The following ABCA12 variants were observed in gnomAD, a reference collection of about 807,000 sequenced individuals.
ABCA12 encodes ATP binding cassette subfamily A member 12.
In ABCA12, 156 loss-of-function variants were observed where a neutral mutation model predicts 293.5. The observed-to-expected ratio is 0.53, with a 90% CI of 0.47 to 0.61. The LOEUF (loss-of-function observed/expected upper bound fraction) is 0.61. ABCA12 is among the 20% of genes least tolerant of loss of function. The pLI is 0.00. For synonymous variants in ABCA12, 1,063 were observed against 1,108.0 expected (o/e 0.96, Z 0.81); for missense variants, 2,797 against 3,090.2 (o/e 0.91, Z 2.25).
At chr2:215,083,810 G>T (rs947460355) in intron 2 of ABCA12, among the ~76,000 whole-genome samples, 2 of 152,086 alleles carry the variant, frequency 1.3e-5, no homozygotes, top group African/African-American at 4.8e-5. Flanking sequence ...ATGTCATGCT[G>T]GGTGCCCTAG....
At chr2:215,022,312 A>C (rs956694130) in intron 11 of ABCA12, 6 of 152,204 alleles carry the variant, frequency 3.9e-5, no homozygotes, top group South Asian at 2.1e-4. Context: ...AGGACATTGG[A>C]AATCTAGCCA....
At position 214,942,931 on chromosome 2, in the gene ABCA12, T is replaced by C; in HGVS notation, c.7430A>G (p.Lys2477Arg). The change falls in exon 50 of 53, where the codon AAG (lysine) becomes AGG (arginine). Residue 2477 changes from lysine to arginine, a missense_variant. By Grantham distance (26) the Lys-to-Arg change is conservative. This residue lies in a region of ABCA12 where 2,130 missense variants were observed against 2,427.0 expected (regional missense o/e 0.88). Coordinates refer to ENST00000272895, the MANE Select transcript of ABCA12 (RefSeq NM_173076.3). ...CAATGCATTTGTTCTTCACCTGCTC[T>C]TTATGTGCTGCAAAGATCCAATACA... is the stretch of plus-strand genomic sequence containing the variant. Reference protein sequence around the residue: ...FQCIGSLQHIKSRFGRGFTVK... With the variant: ...FQCIGSLQHIRSRFGRGFTVK... 1 of 1,613,116 alleles carries C rather than the reference T, an allele frequency of 6.2e-7. No homozygotes were observed. The highest frequency in any genetic ancestry group is 8.5e-7 in the Non-Finnish European group (1 of 1,179,524).
At chr2:215,001,857 A>C in intron 20 of ABCA12, 120 bp from the exon 21 acceptor site, 1 of 876,844 alleles carries the variant, frequency 1.1e-6, no homozygotes. Flanking sequence ...AAGCCTGCAG[A>C]ATTTACTCTA....
At chr2:214,981,986 T>TTTA (rs1553524770) in intron 30 of ABCA12, among the ~76,000 whole-genome samples, 14 of 129,940 alleles carry the variant, frequency 1.1e-4, no homozygotes, top group African/African-American at 4.1e-4. Context: ...TTATTATTAT[T>TTTA]TTATTATTAT....
chr2:214,969,890 C>T (rs566698053), intron 37 of ABCA12, among the ~76,000 whole-genome samples: 2 of 152,042 alleles, frequency 1.3e-5, no homozygotes, highest in South Asian at 4.2e-4. Context: ...ACATTTTGTC[C>T]ATATGCAGAT....
At position 214,990,729 on chromosome 2, in the gene ABCA12, C is replaced by T. The variant is rs1699892971; in HGVS notation, c.3597G>A (p.Glu1199=). The change falls in exon 24 of 53, where the codon GAG becomes GAA. Residue 1199 remains glutamate, a synonymous_variant. Coordinates refer to ENST00000272895, the MANE Select transcript of ABCA12 (RefSeq NM_173076.3). ...PFIVLVTVEN[E]LSYVLKVFMS... ...TGAACACTTTCAATACATAGCTCAA[C>T]TCATTCTCCACTGTAACCAGAACAA... 6.2e-7 allele frequency: 1 copy of T among 1,613,940 alleles called. No homozygotes were observed. The highest frequency in any genetic ancestry group is 1.3e-5 in the African/African-American group (1 of 74,924).
chr2:214,990,829 C>G lies in ABCA12; in HGVS notation c.3497G>C (p.Ser1166Thr). The change falls in exon 24 of 53, where the codon AGT becomes ACT. Residue 1166 changes from serine (S) to threonine (T), a missense_variant. Physicochemically the swap from Ser to Thr is moderately conservative, Grantham distance 58. This residue lies in a region of ABCA12 where 2,130 missense variants were observed against 2,427.0 expected (regional missense o/e 0.88). Transcript: ENST00000272895. ...AATGTTGGTGTTGTTGAAGAAGACA[C>G]TGATAAGATAGCTCATGGCAATAAC... ...FSVIAMSYLI[S>T]VFFNNTNIAA... The G allele has an allele frequency of 1.2e-6, 2 of 1,614,082 alleles. No individual in the cohort carries two copies. Among genetic ancestry groups the G allele is most frequent in the Non-Finnish European group, 1.7e-6 (2 of 1,179,994 alleles).
intron 2 of ABCA12, among the ~76,000 whole-genome samples, chr2:215,103,890 G>A (rs1023427707): frequency 6.6e-6 from 1 of 152,018 alleles, no homozygotes; most frequent in African/African-American, 2.4e-5. Context: ...AGGAGGCAGA[G>A]GCAGGAGAAT....
At position 214,973,953 on chromosome 2, in the gene ABCA12, A is replaced by G; in HGVS notation, c.5558T>C (p.Val1853Ala). ...NFGVCSCSEN[V>A]QECPKFNYSP... ...TGAAACTGAATTCCATCTTACCTGGACATTTTCTGAGCAGGAGCAAACACC... is the reference window on the plus strand; with the variant it reads ...TGAAACTGAATTCCATCTTACCTGGGCATTTTCTGAGCAGGAGCAAACACC... The change falls in exon 36 of 53, where the codon GTC (valine) becomes GCC (alanine). Residue 1853 changes from valine (V) to alanine (A), a missense_variant. Val to Ala is a moderately conservative substitution (Grantham distance 64). Around this residue, in one of 3 missense-constraint regions of ABCA12, gnomAD observed 2,130 missense variants for 2,427.0 expected, o/e 0.88. Transcript: ENST00000272895. The G allele has an allele frequency of 6.2e-7, 1 of 1,613,434 alleles. No homozygotes were observed. The highest frequency in any genetic ancestry group is 8.5e-7 in the Non-Finnish European group (1 of 1,179,462).
At position 215,000,689 on chromosome 2, in the gene ABCA12, A is replaced by G; in HGVS notation, c.3179+16T>C. On this transcript the variant is annotated intron_variant, in intron 22 of 52. Transcript: ENST00000272895. ...AGTTGTTGATCATTAAAAAGGCTGG[A>G]AGTGCACACACTTACTTGTCTTTCA... The G allele has an allele frequency of 6.2e-7, 1 of 1,613,562 alleles. No homozygotes were observed. The highest frequency in any genetic ancestry group is 8.5e-7 in the Non-Finnish European group (1 of 1,179,860).
At chr2:215,127,755 T>A (rs540105667) in intron 1 of ABCA12, among the ~76,000 whole-genome samples, 1 of 152,338 alleles carries the variant, frequency 6.6e-6, no homozygotes, top group South Asian at 2.1e-4. Context: ...TGGTTCTATA[T>A]CTTTTAAGTG....
chr2:215,098,918 T>C (rs1293640317), intron 2 of ABCA12, among the ~76,000 whole-genome samples: 1 of 152,252 alleles, frequency 6.6e-6, no homozygotes, highest in Middle Eastern at 3.2e-3. Flanking sequence ...GGGCTGAATA[T>C]CGTAAGCACG....
At chr2:215,027,897 T>C (rs999261564) in intron 9 of ABCA12, among the ~76,000 whole-genome samples, 18 of 152,194 alleles carry the variant, frequency 1.2e-4, no homozygotes, top group African/African-American at 4.3e-4. Context: ...CTTTCTGGTT[T>C]CCTTTCAAAG....
At position 214,934,061 on chromosome 2, in the gene ABCA12, C is replaced by T; in HGVS notation, c.7680+17G>A. On this transcript the variant is annotated intron_variant, in intron 52 of 52. Transcript: ENST00000272895. ...AATATGTGACGTTGTGCACATGGAT[C>T]GTGGTATATATCTTACCTCTTCCAG... 5 of 1,610,818 alleles carry T rather than the reference C, an allele frequency of 3.1e-6. No homozygotes were observed. Among genetic ancestry groups the T allele is most frequent in the Non-Finnish European group, 4.2e-6 (5 of 1,177,432 alleles).
At chr2:215,119,196 CTT>C (rs1702749637) in intron 1 of ABCA12, among the ~76,000 whole-genome samples, 1 of 152,176 alleles carries the variant, frequency 6.6e-6, no homozygotes, top group Non-Finnish European at 1.5e-5. Flanking sequence ...GTCTTGAACT[CTT>C]GACCTCAGGT....
intron 34 of ABCA12, 32 bp from the exon 35 acceptor site, chr2:214,974,896 G>T: frequency 6.4e-7 from 1 of 1,564,666 alleles, no homozygotes; most frequent in Non-Finnish European, 8.8e-7. Flanking sequence ...ACAAATTCAT[G>T]ATTTTTCTAC....
intron 23 of ABCA12, among the ~76,000 whole-genome samples, chr2:214,994,327 C>A (rs1470766391): frequency 6.6e-6 from 1 of 152,090 alleles, no homozygotes; most frequent in East Asian, 1.9e-4. Context: ...CCTCCCAAAC[C>A]TGCCAGAGCA....
In ABCA12 at chr2:214,978,842, T is replaced by A. The variant is rs1203816981; in HGVS notation, c.4939A>T (p.Ile1647Phe). 1 of 1,613,994 alleles carries A rather than the reference T, an allele frequency of 6.2e-7. No homozygotes were observed. The highest frequency in any genetic ancestry group is 1.1e-5 in the South Asian group (1 of 91,064). ...GTATCTGAAATGCCGTAGCACCCGATGTTGAGGTCACCCATGCCATTGTCG... is the reference window on the plus strand; with the variant it reads ...GTATCTGAAATGCCGTAGCACCCGAAGTTGAGGTCACCCATGCCATTGTCG... ...ALDNGMGDLNIGCYGISDTTV... is the reference protein window; with the variant it reads ...ALDNGMGDLNFGCYGISDTTV... Residue 1647 changes from isoleucine to phenylalanine, a missense_variant, in exon 32 of 53, where the codon ATC (isoleucine) becomes TTC (phenylalanine). By Grantham distance (21) the Ile-to-Phe change is conservative. Around this residue, in one of 3 missense-constraint regions of ABCA12, gnomAD observed 2,130 missense variants for 2,427.0 expected, o/e 0.88. Coordinates refer to ENST00000272895, the MANE Select transcript of ABCA12 (RefSeq NM_173076.3).
intron 1 of ABCA12, among the ~76,000 whole-genome samples, chr2:215,119,304 CT>C (rs565745173): frequency 4.2e-4 from 64 of 152,264 alleles, no homozygotes; most frequent in Non-Finnish European, 8.4e-4. Flanking sequence ...AGCTCTTTAA[CT>C]TAATTAGGTC....
Sources: gnomAD v4.1 joint callset for allele counts (sites outside exome capture counted in the v4.1 genomes callset) on GRCh38, gnomAD v4.1.1 for gene constraint, gnomAD v4.1.1 regional missense constraint, MANE v1.5 for transcripts, NCBI Gene and HGNC (gene_info 2026-07-23, HGNC 2026-07-21) for gene names.